The following SREBF1 variants were observed in gnomAD, a reference collection of about 807,000 sequenced individuals.
SREBF1 encodes sterol regulatory element binding transcription factor 1.
In SREBF1, 45 loss-of-function variants were observed where a neutral mutation model predicts 100.1. The ratio of observed to expected loss-of-function variants is 0.45; its 90% CI spans 0.35 to 0.58. SREBF1 has a LOEUF of 0.58. Ranked by LOEUF, SREBF1 falls within the 20% of genes least tolerant of loss-of-function variation. SREBF1 has a pLI of 0.00. For synonymous variants in SREBF1, 657 were observed against 681.8 expected (o/e 0.96, Z 0.57); for missense variants, 1,324 against 1,539.4 (o/e 0.86, Z 2.34).
chr17:17,818,669 C>T, intron 5 of SREBF1: 2 of 528,584 alleles, frequency 3.8e-6, no homozygotes, highest in Non-Finnish European at 3.4e-6. Flanking sequence ...TCACCATCCT[C>T]TTCCTGCTTT....
chr17:17,816,072 G>T, intron 11 of SREBF1, 44 bp from the exon 12 acceptor site: 1 of 1,602,496 alleles, frequency 6.2e-7, no homozygotes, highest in Non-Finnish European at 8.5e-7. Flanking sequence ...CACAGCCTGG[G>T]GCCAGACCCC....
At chr17:17,826,031 T>C (rs946328639) in intron 1 of SREBF1, among the ~76,000 whole-genome samples, 2 of 152,224 alleles carry the variant, frequency 1.3e-5, no homozygotes, top group Non-Finnish European at 2.9e-5. Context: ...CAGGCCCTGC[T>C]CTTCCTTTAG....
At position 17,813,394 on chromosome 17, in the gene SREBF1, C is replaced by A. The variant is rs944888455; in HGVS notation, c.3188G>T (p.Arg1063Leu). ...THQLLDRSLRRRAGPGGKGGA... is the reference protein window; with the variant it reads ...THQLLDRSLRLRAGPGGKGGA... ...TCCTTTGCCACCGGGGCCTGCCCGCCGCCTCAGACTGCGGTCGAGGAGCTG... is the reference window on the plus strand; with the variant it reads ...TCCTTTGCCACCGGGGCCTGCCCGCAGCCTCAGACTGCGGTCGAGGAGCTG... The change falls in exon 18 of 19, where the codon CGG (arginine) becomes CTG (leucine). Residue 1063 changes from arginine (R) to leucine (L), a missense_variant. Transcript: ENST00000261646. 1.9e-6 allele frequency: 3 copies of A among 1,601,096 alleles called. No individual in the cohort carries two copies. Among genetic ancestry groups the A allele is most frequent in the Non-Finnish European group, 2.6e-6 (3 of 1,175,290 alleles).
chr17:17,814,764 G>T lies in SREBF1; in HGVS notation c.2603-17C>A. 1.9e-5 allele frequency: 31 copies of T among 1,611,432 alleles called. No individual in the cohort carries two copies. Among genetic ancestry groups the T allele is most frequent in the Non-Finnish European group, 2.6e-5 (31 of 1,179,432 alleles). ...GGTCTACGCCTGCAGAAGAGGGAGG[G>T]TCCCCTGAACCCTCAGTCACGCTGC... On this transcript the variant is annotated splice_polypyrimidine_tract_variant and intron_variant, in intron 14 of 18. Transcript: ENST00000261646.
In SREBF1 at chr17:17,811,577, A is replaced by G. The variant is rs2032845370; in HGVS notation, c.*1045T>C. On this transcript the variant is annotated 3_prime_UTR_variant, in exon 19 of 19. Transcript: ENST00000261646. ...AATGGAGTCAGGGAGTCGGCCTTTCACAGAACAGGAAACCTCCCCCGCCCC... is the reference window on the plus strand; with the variant it reads ...AATGGAGTCAGGGAGTCGGCCTTTCGCAGAACAGGAAACCTCCCCCGCCCC... 2.8e-6 allele frequency: 1 copy of G among 359,270 alleles called. No individual in the cohort carries two copies. The highest frequency in any genetic ancestry group is 4.5e-5 in the Admixed American group (1 of 22,232). The allele number at this position is 359,270 out of a possible 1,614,324, so 22.3% of individuals were successfully genotyped here.
Position 17,812,385 on chromosome 17 carries a change from GC to G in SREBF1, c.*236del, listed in dbSNP as rs2032971645. 1.7e-6 allele frequency: 1 copy of G among 599,852 alleles called. No individual in the cohort carries two copies. The highest frequency in any genetic ancestry group is 1.9e-5 in the African/African-American group (1 of 53,002). The allele number at this position is 599,852 out of a possible 1,614,324, so 37.2% of individuals were successfully genotyped here. A position where few individuals can be genotyped will look rare whatever the true frequency, so the allele number is the denominator to read the frequency against. On this transcript the variant is annotated 3_prime_UTR_variant, in exon 19 of 19. Coordinates refer to ENST00000261646, the MANE Select transcript of SREBF1 (RefSeq NM_004176.5). ...GAGGGGGGCCCCCCAAAATGGCTCG[GC>G]CCCTGCAGTGCCCCGATCGGCCACC...
rs776419406 is a variant in SREBF1, at chr17:17,813,636, C to T, written c.3035G>A (p.Arg1012His). 10 of 1,578,132 alleles carry T rather than the reference C, an allele frequency of 6.3e-6. No individual in the cohort carries two copies. Among genetic ancestry groups the T allele is most frequent in the African/African-American group, 5.4e-5 (4 of 74,266 alleles). Residue 1012 changes from arginine to histidine, a missense_variant, in exon 17 of 19, where the codon CGT (arginine) becomes CAT (histidine). Transcript: ENST00000261646. ...SRPQASALELRGFQRDLSSLR... is the reference protein window; with the variant it reads ...SRPQASALELHGFQRDLSSLR... ...GCTGCTCAGGTCCCGTTGGAAGCCA[C>T]GCAGCTCAAGGGCGGAAGCCTGGGG...
rs781245364 is a variant in SREBF1 at position 17,823,649 on chromosome 17, G to A, written c.92-3128C>T. On this transcript the variant is annotated intron_variant, in intron 1 of 18. Coordinates refer to ENST00000261646, the MANE Select transcript of SREBF1 (RefSeq NM_004176.5). ...GATTTTTGAAGCCGTTGAGCGCTGC[G>A]GCGCGCCCGCCCCGCCCCGCCCCGC... 1.5e-5 allele frequency: 23 copies of A among 1,495,694 alleles called. No homozygotes were observed. The South Asian group carries it at 2.7e-4, about 17-fold the overall frequency. The allele number at this position is 1,495,694 out of a possible 1,614,324, so 92.7% of individuals were successfully genotyped here.
rs2033332655 is a variant in SREBF1 at position 17,814,555 on chromosome 17, C to T, written c.2735+60G>A. 3.3e-6 allele frequency: 5 copies of T among 1,536,120 alleles called. No individual in the cohort carries two copies. The African/African-American group carries it at 5.5e-5, about 17-fold the overall frequency. On this transcript the variant is annotated intron_variant, in intron 15 of 18. Transcript: ENST00000261646. ...AACAAAGGCTGAGTGAGGCACAGTGCCCAGGGGATGAGGAAGGCTGAGCCC... is the reference window on the plus strand; with the variant it reads ...AACAAAGGCTGAGTGAGGCACAGTGTCCAGGGGATGAGGAAGGCTGAGCCC...
rs1221416825 is a variant in SREBF1, at chr17:17,816,264, A to G, written c.2157T>C (p.Tyr719=). Residue 719 remains tyrosine (Y), a synonymous_variant, in exon 11 of 19, where the codon TAT becomes TAC. Coordinates refer to ENST00000261646, the MANE Select transcript of SREBF1 (RefSeq NM_004176.5). ...TCTTCACTCTCAATGCAGCCGCCACATAGATCTCGGCCAGCGTCGCCACAG... is the reference window on the plus strand; with the variant it reads ...TCTTCACTCTCAATGCAGCCGCCACGTAGATCTCGGCCAGCGTCGCCACAG... The part of the protein sequence containing the change: ...AVSVATLAEI[Y]VAAALRVKTS... 1 of 1,299,966 alleles carries G rather than the reference A, an allele frequency of 7.7e-7. No individual in the cohort carries two copies. Among genetic ancestry groups the G allele is most frequent in the Non-Finnish European group, 9.9e-7 (1 of 1,008,196 alleles). 80.5% of individuals were successfully genotyped at this position (1,299,966 alleles called of 1,614,324 possible).
chr17:17,823,654 G>A (rs1567982035), intron 1 of SREBF1: 13 of 1,381,480 alleles, frequency 9.4e-6, no homozygotes, highest in South Asian at 1.3e-5. Flanking sequence ...GCTGCGGCGC[G>A]CCCGCCCCGC....
chr17:17,816,376 G>T lies in SREBF1; in HGVS notation c.2048-3C>A. On this transcript the variant is annotated splice_polypyrimidine_tract_variant and splice_region_variant and intron_variant, in intron 10 of 18. Coordinates refer to ENST00000261646, the MANE Select transcript of SREBF1 (RefSeq NM_004176.5). Reference sequence around the variant, plus strand: ...GAGGTGCCCGCCTGTGTGCTTCCCTGGAAGGCAAGCAGGCATGAGGCTGTG... The same window carrying T: ...GAGGTGCCCGCCTGTGTGCTTCCCTTGAAGGCAAGCAGGCATGAGGCTGTG... 6.3e-7 allele frequency: 1 copy of T among 1,591,080 alleles called. No homozygotes were observed. The highest frequency in any genetic ancestry group is 8.5e-7 in the Non-Finnish European group (1 of 1,170,396).
In SREBF1 at chr17:17,819,283, A is replaced by G. The variant is rs199843574; in HGVS notation, c.846+37T>C. Reference sequence around the variant, plus strand: ...CAGGTGGGCATGTGTGTGTGTGTGTAGACCCCACTCCCTTATGCCCTGCCC... The same window carrying G: ...CAGGTGGGCATGTGTGTGTGTGTGTGGACCCCACTCCCTTATGCCCTGCCC... On this transcript the variant is annotated intron_variant, in intron 4 of 18. Transcript: ENST00000261646. 9,013 of 1,613,136 alleles carry G rather than the reference A, an allele frequency of 5.6e-3. 318 individuals carry two copies. In the South Asian group the frequency reaches 0.091, roughly 16 times the overall value.
At chr17:17,822,528 C>G (rs2034172082) in intron 1 of SREBF1, among the ~76,000 whole-genome samples, 2 of 152,238 alleles carry the variant, frequency 1.3e-5, no homozygotes, top group Admixed American at 1.3e-4. Flanking sequence ...AGGGCCCTCT[C>G]CCCCAGCTGG....
At chr17:17,818,976 G>A (rs199509789) in intron 5 of SREBF1, 37 bp downstream of exon 5, 20 of 1,603,856 alleles carry the variant, frequency 1.2e-5, no homozygotes, top group Non-Finnish European at 8.5e-7. Flanking sequence ...CCTTCCTAGG[G>A]ACACCCCGGT....
intron 1 of SREBF1, among the ~76,000 whole-genome samples, chr17:17,828,522 G>A (rs1195735649): frequency 2.0e-5 from 3 of 152,214 alleles, no homozygotes; most frequent in African/African-American, 7.2e-5. Context: ...GTGGCCCAGG[G>A]CACATACTTA....
chr17:17,817,441 C>G lies in SREBF1; in HGVS notation c.1421G>C (p.Arg474Pro). The G allele has an allele frequency of 6.3e-7, 1 of 1,586,194 alleles. No individual in the cohort carries two copies. Among genetic ancestry groups the G allele is most frequent in the South Asian group, 1.1e-5 (1 of 87,514 alleles). Residue 474 changes from arginine (R) to proline (P), a missense_variant, in exon 8 of 19, where the codon CGG becomes CCG. By Grantham distance (103) the Arg-to-Pro change is moderately radical. Transcript: ENST00000261646. This position sits in a 1 kb window ranked among gnomAD's most constrained non-coding sequence, Gnocchi z 6.6. ...FEDSKAKPEQ[R>P]PSLHSRGMLD... ...CATGCCCCGGCTGTGCAGAGACGGC[C>G]GCTGCTCTGGCTTTGCCTGGTGGGG...
intron 1 of SREBF1, among the ~76,000 whole-genome samples, chr17:17,830,799 T>TC (rs950454869): frequency 6.6e-6 from 1 of 152,154 alleles, no homozygotes; most frequent in Non-Finnish European, 1.5e-5. Flanking sequence ...GTTAAGGCTT[T>TC]CCCCACCTCA....
At chr17:17,825,840 T>A (rs1360733637) in intron 1 of SREBF1, among the ~76,000 whole-genome samples, 1 of 152,138 alleles carries the variant, frequency 6.6e-6, no homozygotes, top group Non-Finnish European at 1.5e-5. Flanking sequence ...GGTCTCGAAC[T>A]CCTGACCTCA....
Sources: allele counts gnomAD v4.1 joint callset (sites outside exome capture counted in the v4.1 genomes callset), GRCh38; gene constraint gnomAD v4.1.1; non-coding constraint Gnocchi (gnomAD v3.1); transcripts MANE v1.5; gene names NCBI Gene and HGNC (gene_info 2026-07-23, HGNC 2026-07-21).